SNX25: variants seen among roughly 807,000 people sequenced by gnomAD.
SNX25 encodes the protein sorting nexin 25.
SNX25 carries 62 observed loss-of-function variants against 113.7 expected under a neutral mutation model. The observed-to-expected ratio is 0.55, with a 90% CI of 0.44 to 0.67. The LOEUF is 0.67. Ranked by LOEUF, SNX25 falls within the 30% of genes least tolerant of loss-of-function variation. The pLI is 0.00. For synonymous variants in SNX25, 421 were observed against 436.2 expected, an observed-to-expected ratio of 0.97 and a Z score of 0.43; for missense variants, 1,014 against 1,161.0, an observed-to-expected ratio of 0.87 and a Z score of 1.84.
intron 10 of SNX25, among the ~76,000 whole-genome samples, chr4:185,337,187 C>T (rs1262595569): frequency 6.6e-6 from 1 of 152,110 alleles, no homozygotes; most frequent in Non-Finnish European, 1.5e-5. Context: ...CACCACCATC[C>T]ATCACCAGAA....
chr4:185,247,145 C>A (rs145063082), intron 1 of SNX25, 149 bp from the exon 2 acceptor site: 52 of 555,216 alleles, frequency 9.4e-5, no homozygotes, highest in Non-Finnish European at 1.4e-4. Context: ...TAACCTTAAG[C>A]ATTTATTTAC....
intron 15 of SNX25, among the ~76,000 whole-genome samples, chr4:185,356,754 A>G (rs1387229431): frequency 6.6e-6 from 1 of 152,352 alleles, no homozygotes; most frequent in African/African-American, 2.4e-5. Context: ...TCTTGGCTCC[A>G]TTATGACTGA....
intron 2 of SNX25, among the ~76,000 whole-genome samples, chr4:185,256,784 C>T (rs1218553652): frequency 2.0e-5 from 3 of 151,796 alleles, no homozygotes; most frequent in East Asian, 1.9e-4. Context: ...CCACCACACC[C>T]GGCTAATTTT....
chr4:185,206,423 C>T (rs544807873), upstream of SNX25, among the ~76,000 whole-genome samples: 6 of 152,190 alleles, frequency 3.9e-5, no homozygotes, highest in East Asian at 1.2e-3. Context: ...GTAATCCCAG[C>T]ACTTTGGGAG....
chr4:185,362,488 A>C lies in SNX25; in HGVS notation c.2834-123A>C, dbSNP rs528365143. The C allele has an allele frequency of 3.4e-6, 4 of 1,172,108 alleles. No individual in the cohort carries two copies. In the South Asian group the frequency reaches 7.7e-5, roughly 23 times the overall value. 72.6% of individuals were successfully genotyped at this position (1,172,108 alleles called of 1,614,324 possible). On this transcript the variant is annotated intron_variant, in intron 17 of 18. Coordinates refer to ENST00000652585, the MANE Select transcript of SNX25 (RefSeq NM_001378034.2). ...AAGCATTTGAGAGAACTGACCATTC[A>C]TGTTTCTCATGCCTCCATGTGTTTA... is the stretch of plus-strand genomic sequence containing the variant.
chr4:185,343,903 G>A (rs1235020729), intron 12 of SNX25, among the ~76,000 whole-genome samples: 1 of 152,052 alleles, frequency 6.6e-6, no homozygotes, highest in Non-Finnish European at 1.5e-5. Flanking sequence ...AAGGGGAGGA[G>A]TGGGCAAAAT....
chr4:185,355,521 G>A (rs977174859), intron 15 of SNX25, among the ~76,000 whole-genome samples: 3 of 152,154 alleles, frequency 2.0e-5, no homozygotes, highest in African/African-American at 7.2e-5. Flanking sequence ...ATTCTAAAGT[G>A]CAGGCAGAGA....
At chr4:185,366,626 CTTAT>C (rs1176665009), downstream of SNX25, 2 of 152,140 alleles carry the variant, frequency 1.3e-5, no homozygotes, top group African/African-American at 4.8e-5. Context: ...GCTGCACACA[CTTAT>C]TTAAGTTTAA....
chr4:185,260,030 G>A (rs570859543), intron 3 of SNX25, among the ~76,000 whole-genome samples: 4 of 152,178 alleles, frequency 2.6e-5, no homozygotes, highest in South Asian at 2.1e-4. Context: ...AGTGTTTTGC[G>A]AACTTTTTTA....
At chr4:185,357,817 C>A (rs2095345645) in intron 16 of SNX25, 80 bp downstream of exon 16, 1 of 1,163,310 alleles carries the variant, frequency 8.6e-7, no homozygotes, top group Non-Finnish European at 1.3e-6. Context: ...GATCTAGCAG[C>A]CAGTCATTTA....
At position 185,363,900 on chromosome 4, in the gene SNX25, TTG is replaced by T. The variant is rs2095377282; in HGVS notation, c.*437_*438del. On this transcript the variant is annotated 3_prime_UTR_variant, in exon 19 of 19. Transcript: ENST00000652585. The surrounding 1 kb of genome is among the most constrained non-coding windows in gnomAD (Gnocchi z 4.2). ...GTGTAAAGTTATTGTGAAGATTTTA[TTG>T]TCTTTATTTTTACCAAAGATTTCCC... 6.5e-6 allele frequency: 1 copy of T among 153,802 alleles called. No individual in the cohort carries two copies. The highest frequency in any genetic ancestry group is 2.4e-5 in the African/African-American group (1 of 41,474). 9.5% of individuals were successfully genotyped at this position (153,802 alleles called of 1,614,324 possible).
rs2095325850 is a variant in SNX25, at chr4:185,353,568, C to T, written c.2550C>T (p.Phe850=). 6.2e-7 allele frequency: 1 copy of T among 1,613,994 alleles called. No homozygotes were observed. Among genetic ancestry groups the T allele is most frequent in the African/African-American group, 1.3e-5 (1 of 74,908 alleles). The part of the protein sequence containing the change: ...GRKDALAEPC[F]MLIGEIFELR... ...AAGACGCCTTGGCTGAACCATGTTT[C>T]ATGTTGATTGGGGAGATTTTTGAAC... is the stretch of plus-strand genomic sequence containing the variant. The change falls in exon 15 of 19, where the codon TTC becomes TTT. Residue 850 remains phenylalanine (F), a synonymous_variant. Coordinates refer to ENST00000652585, the MANE Select transcript of SNX25 (RefSeq NM_001378034.2).
chr4:185,282,271 C>T (rs1750710183), intron 5 of SNX25, among the ~76,000 whole-genome samples: 2 of 152,130 alleles, frequency 1.3e-5, no homozygotes, highest in African/African-American at 4.8e-5. Flanking sequence ...AAGCGATTCC[C>T]CTGCCTCAGC....
chr4:185,350,509 C>T (rs2095309811), intron 13 of SNX25, among the ~76,000 whole-genome samples: 1 of 152,178 alleles, frequency 6.6e-6, no homozygotes, highest in South Asian at 2.1e-4. Flanking sequence ...TTACTCTCTC[C>T]TAAGGTCAGG....
chr4:185,216,855 C>G (rs576279255), intron 1 of SNX25, among the ~76,000 whole-genome samples: 30 of 152,116 alleles, frequency 2.0e-4, no homozygotes, highest in Admixed American at 1.8e-3. Flanking sequence ...GCAAAATCAT[C>G]TAAAGGAAGC....
rs1040371670 is a variant in SNX25 at position 185,334,054 on chromosome 4, A to G, written c.1914+1295A>G. On this transcript the variant is annotated intron_variant, in intron 10 of 18. Coordinates refer to ENST00000652585, the MANE Select transcript of SNX25 (RefSeq NM_001378034.2). This position sits in a 1 kb window ranked among gnomAD's most constrained non-coding sequence, Gnocchi z 4.2. ...ATAGTCTCAAAAAAAAAAAAAAAAA[A>G]GTGGCTAGGCGCGGTGGCTCACACC... is the stretch of plus-strand genomic sequence containing the variant. Among the ~76,000 whole-genome samples the G allele has an allele frequency of 4.0e-5, 6 of 149,810 alleles. No individual in the cohort carries two copies. The highest frequency in any genetic ancestry group is 6.7e-5 in the Admixed American group (1 of 14,828).
At chr4:185,236,539 GA>G (rs61284735) in intron 1 of SNX25, among the ~76,000 whole-genome samples, 158 of 151,622 alleles carry the variant, frequency 1.0e-3, no homozygotes, top group African/African-American at 3.6e-3. Context: ...TATTTAAATA[GA>G]AAAAAAAGAT....
downstream of SNX25, chr4:185,374,021 A>T (rs17884285): frequency 1.2e-6 from 1 of 830,514 alleles, no homozygotes; most frequent in Non-Finnish European, 1.9e-6. Flanking sequence ...CTTTACATTT[A>T]AAGGAACTAT....
intron 1 of SNX25, among the ~76,000 whole-genome samples, chr4:185,224,299 C>T (rs1053051572): frequency 2.7e-5 from 4 of 149,914 alleles, no homozygotes; most frequent in South Asian, 2.1e-4. Flanking sequence ...TGTAGTGAGC[C>T]GAGATTGCGC....
Sources: gnomAD v4.1 joint callset for allele counts (sites outside exome capture counted in the v4.1 genomes callset) on GRCh38, gnomAD v4.1.1 for gene constraint, Gnocchi (gnomAD v3.1) non-coding constraint, MANE v1.5 for transcripts, NCBI Gene and HGNC (gene_info 2026-07-23, HGNC 2026-07-21) for gene names.